PDE12: variants seen among roughly 807,000 people sequenced by gnomAD.
PDE12 encodes phosphodiesterase 12.
A neutral mutation model predicts 45.4 loss-of-function variants in PDE12; 26 were observed. That is an observed-to-expected ratio of 0.57 (90% confidence interval 0.42 to 0.79). The LOEUF is 0.79. Among genes scored for constraint, PDE12 ranks in the 30% least tolerant of loss-of-function variants. PDE12 has a pLI of 0.00. For missense variants in PDE12, 668 were observed against 790.0 expected, an observed-to-expected ratio of 0.85 and a Z score of 1.85; for synonymous variants, 283 against 323.9, an observed-to-expected ratio of 0.87 and a Z score of 1.36.
the PDE12 span, among the ~76,000 whole-genome samples, chr3:57,636,455 C>T: frequency 6.6e-6 from 1 of 152,052 alleles, no homozygotes; most frequent in African/African-American, 2.4e-5. Flanking sequence ...AGCTAATTAC[C>T]CGTATCAATG....
the PDE12 span, among the ~76,000 whole-genome samples, chr3:57,610,858 C>T: frequency 1.3e-5 from 2 of 152,162 alleles, no homozygotes; most frequent in South Asian, 4.2e-4. Context: ...CTACCAATGA[C>T]TTTCTTCACA....
At chr3:57,586,671 C>T in the PDE12 span, among the ~76,000 whole-genome samples, 1 of 152,012 alleles carries the variant, frequency 6.6e-6, no homozygotes, top group African/African-American at 2.4e-5. Context: ...AACTGTTATA[C>T]AAGTGTTTTA....
chr3:57,607,318 C>CT, the PDE12 span, among the ~76,000 whole-genome samples: 1 of 152,070 alleles, frequency 6.6e-6, no homozygotes, highest in African/African-American at 2.4e-5. Flanking sequence ...GCTGAAAATT[C>CT]TAAAAATCAG....
chr3:57,624,947 G>A, the PDE12 span, among the ~76,000 whole-genome samples: 6,174 of 151,906 alleles, frequency 0.041, 132 homozygotes, highest in Middle Eastern at 0.058. Flanking sequence ...TCACCCAGGC[G>A]GGAGTGCAGT....
chr3:57,560,522 C>T lies in PDE12; in HGVS notation c.*518C>T, dbSNP rs192798402. ...TGTATTTTTAGTAGAAATGGGGTTT[C>T]GCCACGTTGGCCAGGCTGGTCTTGA... On this transcript the variant is annotated 3_prime_UTR_variant, in exon 3 of 3. Coordinates refer to ENST00000311180, the MANE Select transcript of PDE12 (RefSeq NM_177966.7). The T allele has an allele frequency of 8.1e-5, 39 of 482,752 alleles. No homozygotes were observed. The East Asian group carries it at 1.4e-3, about 17-fold the overall frequency. 29.9% of individuals were successfully genotyped at this position (482,752 alleles called of 1,614,324 possible).
chr3:57,580,591 A>G, the PDE12 span, among the ~76,000 whole-genome samples: 1 of 150,604 alleles, frequency 6.6e-6, no homozygotes, highest in African/African-American at 2.4e-5. Flanking sequence ...TTTTTTTTGT[A>G]GAGACAGGGT....
At chr3:57,639,025 G>T in the PDE12 span, among the ~76,000 whole-genome samples, 1 of 152,182 alleles carries the variant, frequency 6.6e-6, no homozygotes, top group East Asian at 1.9e-4. Context: ...TTGGGCCCAG[G>T]AGTTCAAGGT....
At chr3:57,632,130 CT>C in the PDE12 span, among the ~76,000 whole-genome samples, 104 of 151,610 alleles carry the variant, frequency 6.9e-4, no homozygotes, top group Admixed American at 2.3e-3. Flanking sequence ...AGTGATTCTC[CT>C]GCCTCAGCCT....
chr3:57,618,607 G>GTTTGT, the PDE12 span, among the ~76,000 whole-genome samples: 12 of 79,390 alleles, frequency 1.5e-4, no homozygotes, highest in Non-Finnish European at 2.8e-4. Context: ...TTGCTTTTGT[G>GTTTGT]TTTTTTTTTT....
chr3:57,656,160 A>G, the PDE12 span, among the ~76,000 whole-genome samples: 30 of 152,300 alleles, frequency 2.0e-4, no homozygotes, highest in African/African-American at 6.7e-4. Context: ...ACCTCACGAA[A>G]TGCCCGCAGC....
the PDE12 span, among the ~76,000 whole-genome samples, chr3:57,632,018 G>A: frequency 5.3e-5 from 6 of 114,016 alleles, no homozygotes; most frequent in South Asian, 2.8e-4. Flanking sequence ...CACCGCGCCC[G>A]GCCTTTTTTT....
chr3:57,569,304 C>T (rs1359716912), downstream of PDE12, among the ~76,000 whole-genome samples: 2 of 152,036 alleles, frequency 1.3e-5, no homozygotes, highest in Non-Finnish European at 2.9e-5. Flanking sequence ...AATACAAAGA[C>T]TGAAGAAAAA....
the PDE12 span, among the ~76,000 whole-genome samples, chr3:57,652,683 C>T: frequency 1.3e-5 from 2 of 152,022 alleles, no homozygotes; most frequent in African/African-American, 4.8e-5. Flanking sequence ...TGGAGGATAC[C>T]ACATTAATCA....
At chr3:57,587,722 A>G in the PDE12 span, among the ~76,000 whole-genome samples, 1 of 152,158 alleles carries the variant, frequency 6.6e-6, no homozygotes, top group East Asian at 1.9e-4. Flanking sequence ...TTACAAAATC[A>G]TGCAACCATT....
At chr3:57,629,826 C>A in the PDE12 span, among the ~76,000 whole-genome samples, 1 of 151,962 alleles carries the variant, frequency 6.6e-6, no homozygotes, top group Non-Finnish European at 1.5e-5. Context: ...CCGGCCAGTC[C>A]ACATTTCTAA....
chr3:57,635,079 T>A, the PDE12 span, among the ~76,000 whole-genome samples: 2 of 152,200 alleles, frequency 1.3e-5, no homozygotes, highest in Admixed American at 6.5e-5. Flanking sequence ...AAAATCTATA[T>A]GCCAAATACA....
In PDE12 at chr3:57,557,677, C is replaced by T; in HGVS notation, c.1298C>T (p.Ser433Phe). 6.2e-7 allele frequency: 1 copy of T among 1,613,498 alleles called. No homozygotes were observed. Among genetic ancestry groups the T allele is most frequent in the African/African-American group, 1.3e-5 (1 of 75,030 alleles). ...SAQEKVLQRSSVLQVSVLQST... is the reference protein window; with the variant it reads ...SAQEKVLQRSFVLQVSVLQST... Reference sequence around the variant, plus strand: ...CAGGAGAAGGTGCTCCAGAGATCTTCTGTTCTTCAGGTAAAGTAGTTCCGC... The same window carrying T: ...CAGGAGAAGGTGCTCCAGAGATCTTTTGTTCTTCAGGTAAAGTAGTTCCGC... The change falls in exon 1 of 3, where the codon TCT becomes TTT. Residue 433 changes from serine (S) to phenylalanine (F), a missense_variant. This residue lies in a region of PDE12 where 580 missense variants were observed against 662.9 expected (regional missense o/e 0.87). Transcript: ENST00000311180.
the PDE12 span, among the ~76,000 whole-genome samples, chr3:57,620,715 T>A: frequency 0.18 from 27,398 of 152,060 alleles, 2,924 homozygotes; most frequent in East Asian, 0.48. Context: ...ATTTAAATTT[T>A]AAAAAAATAT....
chr3:57,577,319 T>C, the PDE12 span: 1 of 1,612,828 alleles, frequency 6.2e-7, no homozygotes, highest in Non-Finnish European at 8.5e-7. Context: ...TTCTTACCAT[T>C]TTCTGCAGCT....
Sources: allele counts gnomAD v4.1 joint callset (sites outside exome capture counted in the v4.1 genomes callset), GRCh38; gene constraint gnomAD v4.1.1; regional missense constraint gnomAD v4.1.1; transcripts MANE v1.5; gene names NCBI Gene and HGNC (gene_info 2026-07-23, HGNC 2026-07-21).